The following UBAC1 variants were observed in gnomAD, a reference collection of about 807,000 sequenced individuals.
UBAC1 encodes the protein ubiquitin-associated domain-containing protein 1.
A neutral mutation model predicts 45.9 loss-of-function variants in UBAC1; 27 were observed. The observed-to-expected ratio is 0.59, with a 90% confidence interval of 0.43 to 0.81. The LOEUF (loss-of-function observed/expected upper bound fraction) is 0.81. Ranked by LOEUF, UBAC1 falls within the 30% of genes least tolerant of loss-of-function variation. The pLI is 0.00. For missense variants in UBAC1, 529 were observed against 539.2 expected (o/e 0.98, Z 0.19); for synonymous variants, 227 against 215.5 (o/e 1.05, Z -0.47).
At chr9:135,956,818 G>A (rs1839472526) in intron 1 of UBAC1, among the ~76,000 whole-genome samples, 1 of 152,246 alleles carries the variant, frequency 6.6e-6, no homozygotes, top group South Asian at 2.1e-4. Context: ...CAGATCCCCT[G>A]AGGTTTGATG....
intron 3 of UBAC1, among the ~76,000 whole-genome samples, chr9:135,948,855 G>A (rs573571448): frequency 1.1e-3 from 162 of 152,216 alleles, no homozygotes; most frequent in Middle Eastern, 3.4e-3. Flanking sequence ...GAATTACTTG[G>A]GGTCAGGAGT....
intron 1 of UBAC1, among the ~76,000 whole-genome samples, chr9:135,957,096 C>T (rs921261584): frequency 6.6e-6 from 1 of 152,254 alleles, no homozygotes; most frequent in Non-Finnish European, 1.5e-5. Context: ...TAAGCACACA[C>T]TTCACCTCTC....
At chr9:135,957,659 C>T (rs1467150228) in intron 1 of UBAC1, among the ~76,000 whole-genome samples, 1 of 151,846 alleles carries the variant, frequency 6.6e-6, no homozygotes, top group Non-Finnish European at 1.5e-5. Context: ...TCTGCTTGTA[C>T]CTGATGCAAC....
Position 135,951,224 on chromosome 9 carries a change from C to T in UBAC1, c.333+2456G>A, listed in dbSNP as rs1342638416. Reference sequence around the variant, plus strand: ...CCTCCCAAAGTGCTGGGACTACAGGCGTGGGCCACCGCACCCAGCCAAGAC... The same window carrying T: ...CCTCCCAAAGTGCTGGGACTACAGGTGTGGGCCACCGCACCCAGCCAAGAC... On this transcript the variant is annotated intron_variant, in intron 3 of 9. Transcript: ENST00000371756. Among the ~76,000 whole-genome samples, 5 of 152,096 alleles carry T rather than the reference C, an allele frequency of 3.3e-5. No individual in the cohort carries two copies. In the East Asian group the frequency reaches 7.7e-4, roughly 24 times the overall value.
At chr9:135,952,768 T>C (rs1411737297) in intron 3 of UBAC1, among the ~76,000 whole-genome samples, 1 of 152,274 alleles carries the variant, frequency 6.6e-6, no homozygotes, top group East Asian at 1.9e-4. Context: ...GATTTGGGAA[T>C]ATTTGCATTC....
chr9:135,945,214 T>C lies in UBAC1; in HGVS notation c.690A>G (p.Glu230=). The change falls in exon 7 of 10, where the codon GAA becomes GAG. Residue 230 remains glutamate, a synonymous_variant. Transcript: ENST00000371756. ...TGTCTATGGTCGGGTCTTCTGCGTG[T>C]TCAATTAGCCACTCCATGGCCTGAG... ...SVPQAMEWLI[E]HAEDPTIDTP... is the part of the protein sequence containing the mutation. The C allele has an allele frequency of 6.2e-7, 1 of 1,607,610 alleles. No individual in the cohort carries two copies. Among genetic ancestry groups the C allele is most frequent in the Non-Finnish European group, 8.5e-7 (1 of 1,176,938 alleles).
At chr9:135,945,381 A>G in intron 6 of UBAC1, 131 bp from the exon 7 acceptor site, 1 of 784,286 alleles carries the variant, frequency 1.3e-6, no homozygotes, top group Non-Finnish European at 1.9e-6. Context: ...CCTTATAACA[A>G]GAACCTGAAT....
At chr9:135,946,587 C>A (rs145229604) in intron 4 of UBAC1, among the ~76,000 whole-genome samples, 1 of 152,202 alleles carries the variant, frequency 6.6e-6, no homozygotes, top group African/African-American at 2.4e-5. Flanking sequence ...GGGACAGGAA[C>A]GCCTGGTGAC....
intron 3 of UBAC1, among the ~76,000 whole-genome samples, chr9:135,952,749 GT>G (rs1441548198): frequency 1.3e-5 from 2 of 152,212 alleles, no homozygotes; most frequent in Non-Finnish European, 2.9e-5. Context: ...CGGATTTCGG[GT>G]TTTTTCAGAT....
intron 9 of UBAC1, among the ~76,000 whole-genome samples, chr9:135,935,059 T>C (rs1839188031): frequency 6.6e-6 from 1 of 152,086 alleles, no homozygotes; most frequent in Non-Finnish European, 1.5e-5. Flanking sequence ...TTTTGTTTTT[T>C]TGTTTGTTTG....
intron 4 of UBAC1, 31 bp from the exon 5 acceptor site, chr9:135,946,402 TA>T: frequency 7.0e-7 from 1 of 1,418,612 alleles, no homozygotes; most frequent in Non-Finnish European, 1.0e-6. Flanking sequence ...ATCAATTCTC[TA>T]AATGTCCACC....
intron 9 of UBAC1, among the ~76,000 whole-genome samples, chr9:135,937,372 C>T (rs563040445): frequency 2.2e-4 from 30 of 139,122 alleles, no homozygotes; most frequent in African/African-American, 7.0e-4. Flanking sequence ...ACCTGGGAGG[C>T]GGAGGTTGCA....
intron 4 of UBAC1, 42 bp downstream of exon 4, chr9:135,947,756 G>T: frequency 1.9e-6 from 3 of 1,543,854 alleles, no homozygotes; most frequent in East Asian, 2.3e-5. Flanking sequence ...TCCCCCACAC[G>T]GGGACCCCAT....
In UBAC1 at chr9:135,936,687, G is replaced by A. The variant is rs544580166; in HGVS notation, c.1102+1535C>T. On this transcript the variant is annotated intron_variant, in intron 9 of 9. Transcript: ENST00000371756. ...TTTTTGTATTTTTAGTAAAGACAGCGTTTCACCATCTTGGCCAGGCTGGTC... is the reference window on the plus strand; with the variant it reads ...TTTTTGTATTTTTAGTAAAGACAGCATTTCACCATCTTGGCCAGGCTGGTC... Among the ~76,000 whole-genome samples, 66 of 152,176 alleles carry A rather than the reference G, an allele frequency of 4.3e-4. 1 individual carries two copies. Among genetic ancestry groups the A allele is most frequent in the Middle Eastern group, 3.4e-3 (1 of 294 alleles).
At chr9:135,960,243 A>G (rs1208895005) in intron 1 of UBAC1, among the ~76,000 whole-genome samples, 1 of 152,206 alleles carries the variant, frequency 6.6e-6, no homozygotes, top group East Asian at 1.9e-4. Context: ...AGCTGACCTT[A>G]CTGAGTCCTT....
At chr9:135,953,299 CTTTTT>C (rs201221202) in intron 3 of UBAC1, among the ~76,000 whole-genome samples, 8 of 149,560 alleles carry the variant, frequency 5.3e-5, no homozygotes, top group African/African-American at 2.0e-4. Context: ...CTTTATAATT[CTTTTT>C]TTTTTAAGTT....
chr9:135,937,389 C>T (rs1023914556), intron 9 of UBAC1, among the ~76,000 whole-genome samples: 4 of 143,804 alleles, frequency 2.8e-5, no homozygotes, highest in African/African-American at 7.8e-5. Flanking sequence ...TGCAGTGGGC[C>T]GAGATCATGC....
chr9:135,949,782 G>GC (rs1293432375), intron 3 of UBAC1, among the ~76,000 whole-genome samples: 32 of 152,372 alleles, frequency 2.1e-4, no homozygotes, highest in Middle Eastern at 3.4e-3. Flanking sequence ...CACAGCATGA[G>GC]CAGGACACAG....
intron 8 of UBAC1, among the ~76,000 whole-genome samples, chr9:135,939,400 C>T (rs1302634993): frequency 6.6e-6 from 1 of 152,146 alleles, no homozygotes; most frequent in East Asian, 1.9e-4. Flanking sequence ...CCACCACGCC[C>T]GGGGCGCTCA....
Sources: allele counts gnomAD v4.1 joint callset (sites outside exome capture counted in the v4.1 genomes callset), GRCh38; gene constraint gnomAD v4.1.1; transcripts MANE v1.5; gene names NCBI Gene and HGNC (gene_info 2026-07-23, HGNC 2026-07-21).